The following MGAT4C variants were observed in gnomAD, a reference collection of about 807,000 sequenced individuals.
MGAT4C encodes MGAT4 family member C, also known as alpha-1,3-mannosyl-glycoprotein 4-beta-N-acetylglucosaminyltransferase C.
In MGAT4C, 19 loss-of-function variants were observed where a neutral mutation model predicts 40.1. That is an observed-to-expected ratio of 0.47 (90% CI 0.33 to 0.70). The LOEUF is 0.70. Ranked by LOEUF, MGAT4C falls within the 30% of genes least tolerant of loss-of-function variation. The probability of loss-of-function intolerance (pLI) is 0.02; values close to 1 mark genes in which losing one functional copy is unlikely to be tolerated. For synonymous variants in MGAT4C, 181 were observed against 187.1 expected, an observed-to-expected ratio of 0.97 and a Z score of 0.27; for missense variants, 491 against 563.2, an observed-to-expected ratio of 0.87 and a Z score of 1.30.
At position 86,586,491 on chromosome 12, in the gene MGAT4C, G is replaced by C. The variant is rs1469374389; in HGVS notation, c.-229+140718C>G. 1.2e-3 allele frequency among the ~76,000 whole-genome samples: 107 copies of C among 88,920 alleles called. 1 individual carries two copies. The highest frequency in any genetic ancestry group is 3.5e-3 in the African/African-American group (101 of 28,456). The allele number at this position is 88,920 out of a possible 152,430, so 58.3% of individuals were successfully genotyped here. A position where few individuals can be genotyped will look rare whatever the true frequency, so the allele number is the denominator to read the frequency against. On this transcript the variant is annotated intron_variant, in intron 2 of 7. Coordinates refer to the MGAT4C transcript ENST00000548651. ...AGTAATGGGATGGCAGGGTCAAATG[G>C]TATTTCTAGTTCTAGATCCCTGAGG... is the stretch of plus-strand genomic sequence containing the variant.
chr12:86,135,131 TA>T (rs1289406918), intron 1 of MGAT4C, among the ~76,000 whole-genome samples: 1 of 152,118 alleles, frequency 6.6e-6, no homozygotes. Context: ...TGTGGGTAGT[TA>T]AAAGAATCAT....
intron 2 of MGAT4C, among the ~76,000 whole-genome samples, chr12:86,629,967 G>A (rs990317536): frequency 7.9e-5 from 12 of 151,874 alleles, no homozygotes; most frequent in East Asian, 7.7e-4. Flanking sequence ...TCCAGGAGCC[G>A]GTTTTTTGAA....
At position 85,961,383 on chromosome 12, in the gene MGAT4C, T is replaced by A. The variant is rs1436332907; in HGVS notation, c.*17906A>T. 6.6e-6 allele frequency: 1 copy of A among 151,726 alleles called. No homozygotes were observed. The highest frequency in any genetic ancestry group is 1.9e-4 in the East Asian group (1 of 5,190). 9.4% of individuals were successfully genotyped at this position (151,726 alleles called of 1,614,324 possible). A position where few individuals can be genotyped will look rare whatever the true frequency, so the allele number is the denominator to read the frequency against. On this transcript the variant is annotated 3_prime_UTR_variant, in exon 5 of 5. Coordinates refer to ENST00000611864, the MANE Select transcript of MGAT4C (RefSeq NM_001351288.2). ...TTCTGTGATTCCCATTTTTGGAGAG[T>A]AAAAATTTAAGAAACAAAGGGAATG...
intron 2 of MGAT4C, among the ~76,000 whole-genome samples, chr12:86,481,093 G>A (rs1957929892): frequency 6.6e-6 from 1 of 151,884 alleles, no homozygotes; most frequent in Non-Finnish European, 1.5e-5. Flanking sequence ...GACAATGAGG[G>A]ATATCTAAAT....
At chr12:86,196,598 C>T (rs1222941871) in intron 1 of MGAT4C, among the ~76,000 whole-genome samples, 1 of 152,204 alleles carries the variant, frequency 6.6e-6, no homozygotes, top group Non-Finnish European at 1.5e-5. Context: ...TGTTTGAAGC[C>T]AGTTAATTCT....
intron 1 of MGAT4C, among the ~76,000 whole-genome samples, chr12:86,192,739 G>GT (rs1395745098): frequency 8.6e-5 from 13 of 152,022 alleles, no homozygotes; most frequent in Non-Finnish European, 1.9e-4. Context: ...CATCCTTATG[G>GT]TTTTTTGTCG....
chr12:86,344,491 G>A (rs1008697893), intron 3 of MGAT4C, among the ~76,000 whole-genome samples: 1 of 152,020 alleles, frequency 6.6e-6, no homozygotes, highest in African/African-American at 2.4e-5. Flanking sequence ...TTAAAATTTT[G>A]TCAAACATTG....
intron 1 of MGAT4C, among the ~76,000 whole-genome samples, chr12:86,095,159 G>A (rs1873680746): frequency 6.6e-6 from 1 of 152,028 alleles, no homozygotes; most frequent in South Asian, 2.1e-4. Context: ...TGAAGTTGTT[G>A]GTTGCACCTT....
intron 1 of MGAT4C, among the ~76,000 whole-genome samples, chr12:86,191,166 G>A (rs1355523935): frequency 6.6e-6 from 1 of 150,888 alleles, no homozygotes; most frequent in Non-Finnish European, 1.5e-5. Flanking sequence ...AAAGAATGCT[G>A]AGTGATACAA....
At chr12:86,032,221 G>T (rs1044478523) in intron 2 of MGAT4C, among the ~76,000 whole-genome samples, 2 of 151,660 alleles carry the variant, frequency 1.3e-5, no homozygotes, top group Non-Finnish European at 3.0e-5. Flanking sequence ...GTGCCACAAT[G>T]AATATATGTG....
chr12:86,375,075 G>A lies in MGAT4C; in HGVS notation c.-119-40948C>T, dbSNP rs75792745. ...TTCCCCCTTCAGCTAAAGTAAATTC[G>A]TTTGTTACTCTTTGTCACTCAATTA... On this transcript the variant is annotated intron_variant, in intron 3 of 7. Coordinates refer to the MGAT4C transcript ENST00000548651. Among the ~76,000 whole-genome samples the A allele has an allele frequency of 2.4e-3, 366 of 151,998 alleles. 1 individual carries two copies. Among genetic ancestry groups the A allele is most frequent in the African/African-American group, 7.3e-3 (301 of 41,488 alleles).
chr12:86,205,555 A>T (rs922874648), intron 1 of MGAT4C, among the ~76,000 whole-genome samples: 1 of 151,778 alleles, frequency 6.6e-6, no homozygotes, highest in Admixed American at 6.6e-5. Context: ...GAAATTAGAT[A>T]TTCATAATGC....
chr12:86,505,243 C>A (rs1430346317), intron 2 of MGAT4C, among the ~76,000 whole-genome samples: 1 of 152,008 alleles, frequency 6.6e-6, no homozygotes, highest in Non-Finnish European at 1.5e-5. Context: ...TGCTTTCTGG[C>A]CTAATGCAAG....
intron 2 of MGAT4C, among the ~76,000 whole-genome samples, chr12:86,529,685 T>TA (rs1400932681): frequency 6.6e-6 from 1 of 152,038 alleles, no homozygotes; most frequent in Non-Finnish European, 1.5e-5. Context: ...TCCTTTTTTT[T>TA]ATGTTTCCAT....
At chr12:86,705,519 AAAATGGATCCCAGGTAAAGAAAAT>A (rs1456221485) in intron 2 of MGAT4C, among the ~76,000 whole-genome samples, 1 of 152,038 alleles carries the variant, frequency 6.6e-6, no homozygotes, top group African/African-American at 2.4e-5. Context: ...GTAAAGAAAA[AAAATGGATCCCAGGTAAAGAAAAT>A]ATTATGAAAA....
At chr12:86,433,857 T>C (rs924449486) in intron 3 of MGAT4C, among the ~76,000 whole-genome samples, 1 of 152,202 alleles carries the variant, frequency 6.6e-6, no homozygotes, top group Admixed American at 6.6e-5. Flanking sequence ...ACCTTCACTA[T>C]GAATTCATTA....
intron 2 of MGAT4C, among the ~76,000 whole-genome samples, chr12:86,569,070 T>G (rs1960255311): frequency 6.6e-6 from 1 of 151,888 alleles, no homozygotes; most frequent in South Asian, 2.1e-4. Flanking sequence ...GAAAGACACC[T>G]TTGTTTGTGA....
intron 4 of MGAT4C, among the ~76,000 whole-genome samples, chr12:86,278,050 G>A (rs1401233802): frequency 2.6e-5 from 4 of 151,744 alleles, no homozygotes; most frequent in African/African-American, 9.7e-5. Context: ...CACTTTTGGT[G>A]TCCTCTTCAA....
intron 3 of MGAT4C, among the ~76,000 whole-genome samples, chr12:86,375,117 A>C (rs965068795): frequency 2.6e-5 from 4 of 152,176 alleles, no homozygotes; most frequent in Admixed American, 2.0e-4. Context: ...CTCATGAATA[A>C]AATTTAAAAA....
Sources: gnomAD v4.1 joint callset for allele counts (sites outside exome capture counted in the v4.1 genomes callset) on GRCh38, gnomAD v4.1.1 for gene constraint, MANE v1.5 for transcripts, NCBI Gene and HGNC (gene_info 2026-07-23, HGNC 2026-07-21) for gene names.